The following RB1 variants were observed in gnomAD, a reference collection of about 807,000 sequenced individuals.
RB1 encodes the protein RB transcriptional corepressor 1.
In RB1, 18 loss-of-function variants were observed where a neutral mutation model predicts 135.4. That is an observed-to-expected ratio of 0.13 (90% CI 0.09 to 0.20). The LOEUF is 0.20. Ranked by LOEUF, RB1 falls within the 10% of genes least tolerant of loss-of-function variation. The pLI is 1.00. For synonymous variants in RB1, 365 were observed against 373.2 expected (o/e 0.98, Z 0.25); for missense variants, 868 against 1,110.0 (o/e 0.78, Z 3.10).
At chr13:48,393,788 C>T (rs1392627289) in intron 17 of RB1, among the ~76,000 whole-genome samples, 1 of 152,088 alleles carries the variant, frequency 6.6e-6, no homozygotes, top group Non-Finnish European at 1.5e-5. Flanking sequence ...AATTTTGGTA[C>T]GTCACATAAA....
chr13:48,391,815 C>T (rs1948612983), intron 17 of RB1, among the ~76,000 whole-genome samples: 1 of 151,874 alleles, frequency 6.6e-6, no homozygotes, highest in Non-Finnish European at 1.5e-5. Context: ...GAAAGGGTTT[C>T]ACCATGTTGA....
intron 6 of RB1, among the ~76,000 whole-genome samples, chr13:48,355,986 T>C: frequency 6.6e-6 from 1 of 151,976 alleles, no homozygotes; most frequent in Non-Finnish European, 1.5e-5. Context: ...AAAAAATGAA[T>C]AAGACTTTAT....
chr13:48,348,211 G>C (rs1205190101), intron 5 of RB1, among the ~76,000 whole-genome samples: 1 of 151,878 alleles, frequency 6.6e-6, no homozygotes, highest in African/African-American at 2.4e-5. Context: ...TTCTGTGTGA[G>C]AATAAATGTA....
rs1483892858 is a variant in RB1, at chr13:48,345,216, A to G, written c.500+17A>G. ...ATTGGAAAGGTAAAGTAAACATTTT[A>G]TTAGGTTTACACTCTGATTTTTTAT... On this transcript the variant is annotated intron_variant, in intron 4 of 26. Transcript: ENST00000267163. The G allele has an allele frequency of 2.5e-6, 4 of 1,609,022 alleles. No individual in the cohort carries two copies. The highest frequency in any genetic ancestry group is 3.4e-6 in the Non-Finnish European group (4 of 1,177,612).
At chr13:48,388,797 C>T (rs768852021) in intron 17 of RB1, among the ~76,000 whole-genome samples, 36 of 152,188 alleles carry the variant, frequency 2.4e-4, no homozygotes, top group Admixed American at 2.0e-4. Flanking sequence ...AAAAGAGAAG[C>T]CTGTGCCTAC....
chr13:48,356,109 T>C (rs1008359792), intron 6 of RB1, among the ~76,000 whole-genome samples: 1 of 152,072 alleles, frequency 6.6e-6, no homozygotes, highest in South Asian at 2.1e-4. Flanking sequence ...AGGAGATGGA[T>C]ACCCCATTCT....
chr13:48,480,266 T>C lies in RB1; in HGVS notation c.*195T>C. 1 of 592,262 alleles carries C rather than the reference T, an allele frequency of 1.7e-6. No homozygotes were observed. Among genetic ancestry groups the C allele is most frequent in the Non-Finnish European group, 3.0e-6 (1 of 328,924 alleles). 36.7% of individuals were successfully genotyped at this position (592,262 alleles called of 1,614,324 possible). On this transcript the variant is annotated 3_prime_UTR_variant, in exon 27 of 27. Coordinates refer to ENST00000267163, the MANE Select transcript of RB1 (RefSeq NM_000321.3). ...TTGAAATGTTAGTCATTGTTATTTATACAAGATTGAAAATCTTGTGTAAAT... is the reference window on the plus strand; with the variant it reads ...TTGAAATGTTAGTCATTGTTATTTACACAAGATTGAAAATCTTGTGTAAAT...
chr13:48,463,967 A>AT (rs1949421088), intron 21 of RB1, 132 bp downstream of exon 21: 1 of 589,406 alleles, frequency 1.7e-6, no homozygotes, highest in African/African-American at 1.9e-5. Context: ...AAATTCACAA[A>AT]TAAAAACTTT....
intron 17 of RB1, among the ~76,000 whole-genome samples, chr13:48,424,597 C>T (rs1949053379): frequency 1.9e-5 from 1 of 53,252 alleles, no homozygotes; most frequent in African/African-American, 2.8e-5. Context: ...GTCCCTTCTT[C>T]CTTATCTTTT....
chr13:48,414,782 CA>C (rs1382909101), intron 17 of RB1, among the ~76,000 whole-genome samples: 1 of 151,602 alleles, frequency 6.6e-6, no homozygotes, highest in Non-Finnish European at 1.5e-5. Flanking sequence ...TATCAAATGA[CA>C]AAAAAAGATG....
chr13:48,419,649 T>C (rs992630420), intron 17 of RB1, among the ~76,000 whole-genome samples: 2 of 151,786 alleles, frequency 1.3e-5, no homozygotes, highest in Non-Finnish European at 2.9e-5. Context: ...GCCAGGCTAA[T>C]AAAGAAGAAA....
At chr13:48,318,794 T>G in intron 2 of RB1, 1 of 795,742 alleles carries the variant, frequency 1.3e-6, no homozygotes, top group Admixed American at 1.8e-5. Context: ...GCGGTGAAAG[T>G]GGGCCCTGGG....
chr13:48,413,568 A>G (rs1345292264), intron 17 of RB1, among the ~76,000 whole-genome samples: 5 of 152,238 alleles, frequency 3.3e-5, no homozygotes, highest in African/African-American at 9.6e-5. Flanking sequence ...CCTTTAAGGT[A>G]TAACAAGCAT....
chr13:48,398,878 T>G (rs1948668223), intron 17 of RB1, among the ~76,000 whole-genome samples: 1 of 152,126 alleles, frequency 6.6e-6, no homozygotes. Flanking sequence ...GTGTTTTGCC[T>G]AGGAGCTAAT....
intron 5 of RB1, among the ~76,000 whole-genome samples, chr13:48,348,187 A>T (rs1952515095): frequency 6.6e-6 from 1 of 151,978 alleles, no homozygotes; most frequent in Non-Finnish European, 1.5e-5. Context: ...TTATTAACTA[A>T]TAATCAGCAT....
intron 24 of RB1, 135 bp from the exon 25 acceptor site, chr13:48,476,566 C>T: frequency 1.1e-6 from 1 of 874,504 alleles, no homozygotes; most frequent in Non-Finnish European, 1.8e-6. Context: ...TTTATTTGGT[C>T]CAATGAAGCA....
intron 2 of RB1, among the ~76,000 whole-genome samples, chr13:48,335,917 G>A (rs1952380809): frequency 6.6e-6 from 1 of 151,660 alleles, no homozygotes; most frequent in Non-Finnish European, 1.5e-5. Context: ...AGAGTGCTGA[G>A]GAAAAAAGAG....
chr13:48,443,219 A>C (rs2138311964), intron 17 of RB1, among the ~76,000 whole-genome samples: 1 of 151,768 alleles, frequency 6.6e-6, no homozygotes, highest in East Asian at 2.0e-4. Context: ...AAAAATGCTT[A>C]GCTATTTTTT....
At chr13:48,339,909 A>G (rs573165976) in intron 2 of RB1, among the ~76,000 whole-genome samples, 94 of 152,346 alleles carry the variant, frequency 6.2e-4, no homozygotes, top group South Asian at 1.7e-3. Flanking sequence ...AACAAAATAT[A>G]TGAAACTACA....
Sources: gnomAD v4.1 joint callset for allele counts (sites outside exome capture counted in the v4.1 genomes callset) on GRCh38, gnomAD v4.1.1 for gene constraint, MANE v1.5 for transcripts, NCBI Gene and HGNC (gene_info 2026-07-23, HGNC 2026-07-21) for gene names.